The following YEATS4 variants were observed in gnomAD, a reference collection of about 807,000 sequenced individuals.
YEATS4 encodes YEATS domain containing 4, also known as YEATS domain-containing protein 4.
A neutral mutation model predicts 30.1 loss-of-function variants in YEATS4; 17 were observed. That is an observed-to-expected ratio of 0.56 (90% confidence interval 0.39 to 0.85). The LOEUF is 0.85. Ranked by LOEUF, YEATS4 falls within the 40% of genes least tolerant of loss-of-function variation. YEATS4 has a pLI of 0.00. For synonymous variants in YEATS4, 85 were observed against 87.5 expected (o/e 0.97, Z 0.16); for missense variants, 142 against 268.3 (o/e 0.53, Z 3.29).
At position 69,362,918 on chromosome 12, in the gene YEATS4, G is replaced by GT. The variant is rs756658738; in HGVS notation, c.171+17dup. On this transcript the variant is annotated intron_variant, in intron 2 of 6. Transcript: ENST00000247843. The stretch of plus-strand genomic sequence containing the variant: ...CCATATAGAAATGAGGTAGGCACTC[G>GT]TTTTTTCTGTAACTGTTTTACTTAA... The GT allele has an allele frequency of 1.4e-6, 2 of 1,436,212 alleles. No homozygotes were observed. Among genetic ancestry groups the GT allele is most frequent in the South Asian group, 2.9e-5 (2 of 69,080 alleles). 89.0% of individuals were successfully genotyped at this position (1,436,212 alleles called of 1,614,324 possible).
At chr12:69,383,790 C>T (rs1292682152) in intron 6 of YEATS4, among the ~76,000 whole-genome samples, 5 of 152,158 alleles carry the variant, frequency 3.3e-5, no homozygotes, top group African/African-American at 1.2e-4. Context: ...TGGAGACAGA[C>T]ACTGTGGGCA....
chr12:69,381,747 C>T (rs56817053), intron 6 of YEATS4, among the ~76,000 whole-genome samples: 6,801 of 152,256 alleles, frequency 0.045, 493 homozygotes, highest in African/African-American at 0.16. Flanking sequence ...CCGTTCCCTC[C>T]GTTCGGGGTT....
the YEATS4 span, among the ~76,000 whole-genome samples, chr12:69,398,616 C>G: frequency 6.6e-6 from 1 of 151,300 alleles, no homozygotes; most frequent in Non-Finnish European, 1.5e-5. Context: ...AGTTCAAGAC[C>G]AGCCTGGGCA....
At chr12:69,420,586 A>C in the YEATS4 span, among the ~76,000 whole-genome samples, 1 of 152,172 alleles carries the variant, frequency 6.6e-6, no homozygotes, top group South Asian at 2.1e-4. Context: ...GATGGATGGC[A>C]AAAGCTACAT....
chr12:69,385,291 A>AAGAGT (rs56053444), intron 6 of YEATS4, among the ~76,000 whole-genome samples: 69,502 of 151,380 alleles, frequency 0.46, 15,928 homozygotes, highest in Non-Finnish European at 0.5. Context: ...TGTACCGATT[A>AAGAGT]AGAGTAAACT....
chr12:69,406,245 C>CTAAA, the YEATS4 span, among the ~76,000 whole-genome samples: 1 of 152,138 alleles, frequency 6.6e-6, no homozygotes, highest in African/African-American at 2.4e-5. Flanking sequence ...AACAACTGTG[C>CTAAA]GTTAGAGTAC....
the YEATS4 span, among the ~76,000 whole-genome samples, chr12:69,425,183 A>G: frequency 6.6e-6 from 1 of 152,112 alleles, no homozygotes; most frequent in Non-Finnish European, 1.5e-5. Flanking sequence ...TCGGCCTCCC[A>G]AAGTGCTGGG....
At chr12:69,386,053 G>A (rs1055673983) in intron 6 of YEATS4, among the ~76,000 whole-genome samples, 7 of 152,146 alleles carry the variant, frequency 4.6e-5, no homozygotes, top group Non-Finnish European at 1.0e-4. Context: ...TTGTTTTCTC[G>A]AAATTGAGCT....
chr12:69,389,812 C>T (rs1868295542), intron 6 of YEATS4, among the ~76,000 whole-genome samples: 1 of 152,098 alleles, frequency 6.6e-6, no homozygotes, highest in Non-Finnish European at 1.5e-5. Context: ...TGCGCCCAGT[C>T]ACCTCTCATT....
At chr12:69,382,700 T>C (rs1448119543) in intron 6 of YEATS4, among the ~76,000 whole-genome samples, 2 of 152,238 alleles carry the variant, frequency 1.3e-5, no homozygotes, top group African/African-American at 2.4e-5. Flanking sequence ...CTTTACTCTT[T>C]CCTGTGTGTG....
intron 6 of YEATS4, among the ~76,000 whole-genome samples, chr12:69,373,965 T>C (rs118083301): frequency 0.026 from 3,902 of 152,288 alleles, 77 homozygotes; most frequent in Non-Finnish European, 0.036. Flanking sequence ...CTGGGTTCTC[T>C]AGTCTGTTCC....
intron 1 of YEATS4, among the ~76,000 whole-genome samples, chr12:69,360,530 G>GCATA (rs1167276213): frequency 6.6e-6 from 1 of 152,206 alleles, no homozygotes; most frequent in Non-Finnish European, 1.5e-5. Context: ...CAAAGCAAGA[G>GCATA]CATAACACTG....
At chr12:69,375,745 T>TA (rs759238282) in intron 6 of YEATS4, among the ~76,000 whole-genome samples, 2 of 151,916 alleles carry the variant, frequency 1.3e-5, no homozygotes, top group Non-Finnish European at 2.9e-5. Flanking sequence ...CACCAAAAAA[T>TA]ACAAAAACTG....
chr12:69,394,233 G>A (rs1026040327), downstream of YEATS4, among the ~76,000 whole-genome samples: 9 of 152,114 alleles, frequency 5.9e-5, no homozygotes, highest in Non-Finnish European at 1.3e-4. Context: ...TGGCATAATG[G>A]CACAACTGCA....
intron 2 of YEATS4, chr12:69,364,413 C>G (rs1875350213): frequency 5.4e-6 from 1 of 184,158 alleles, no homozygotes; most frequent in Non-Finnish European, 1.2e-5. Flanking sequence ...ATAAACATTA[C>G]TATTGAATGT....
the YEATS4 span, among the ~76,000 whole-genome samples, chr12:69,418,931 A>G: frequency 2.0e-5 from 3 of 151,050 alleles, no homozygotes; most frequent in African/African-American, 7.3e-5. Context: ...AAACATATAT[A>G]TATGTTTTAT....
chr12:69,418,864 G>C, the YEATS4 span, among the ~76,000 whole-genome samples: 1 of 151,974 alleles, frequency 6.6e-6, no homozygotes, highest in South Asian at 2.1e-4. Flanking sequence ...CAGGAGGATC[G>C]CTGGAGCCCA....
chr12:69,372,514 A>C (rs1875682387), intron 6 of YEATS4, among the ~76,000 whole-genome samples: 1 of 132,980 alleles, frequency 7.5e-6, no homozygotes, highest in African/African-American at 2.8e-5. Flanking sequence ...CCGTCATTCT[A>C]CTCTGTTTTC....
chr12:69,409,272 G>A, the YEATS4 span, among the ~76,000 whole-genome samples: 2 of 152,152 alleles, frequency 1.3e-5, no homozygotes, highest in Admixed American at 1.3e-4. Context: ...ACTGAGAGAC[G>A]TATGTAAAGT....
Sources: gnomAD v4.1 joint callset for allele counts (sites outside exome capture counted in the v4.1 genomes callset) on GRCh38, gnomAD v4.1.1 for gene constraint, MANE v1.5 for transcripts, NCBI Gene and HGNC (gene_info 2026-07-23, HGNC 2026-07-21) for gene names.